Variants in RPS6KC1 observed in about 807,000 individuals in gnomAD.
The protein encoded by RPS6KC1 is ribosomal protein S6 kinase C1, also known as inactive ribosomal protein S6 kinase delta-1.
RPS6KC1 carries 54 observed loss-of-function variants against 103.8 expected under a neutral mutation model. That is an observed-to-expected ratio of 0.52 (90% confidence interval 0.42 to 0.65). The LOEUF (loss-of-function observed/expected upper bound fraction) is 0.65. Among genes scored for constraint, RPS6KC1 ranks in the 30% least tolerant of loss-of-function variants. The pLI is 0.00. For missense variants in RPS6KC1, 1,151 were observed against 1,253.8 expected (o/e 0.92, Z 1.24); for synonymous variants, 439 against 438.7 (o/e 1.00, Z -0.01).
At chr1:213,443,538 G>A in the RPS6KC1 span, among the ~76,000 whole-genome samples, 2 of 152,114 alleles carry the variant, frequency 1.3e-5, no homozygotes, top group East Asian at 1.9e-4. Flanking sequence ...ATATGGAAAC[G>A]TGCTGGGCTG....
At chr1:213,130,310 G>A (rs192930244) in intron 6 of RPS6KC1, among the ~76,000 whole-genome samples, 5 of 152,232 alleles carry the variant, frequency 3.3e-5, no homozygotes, top group Non-Finnish European at 5.9e-5. Context: ...TGGGTTTGCC[G>A]ACTATTCTGT....
At chr1:213,792,962 G>A in the RPS6KC1 span, among the ~76,000 whole-genome samples, 1 of 151,926 alleles carries the variant, frequency 6.6e-6, no homozygotes, top group African/African-American at 2.4e-5. Context: ...TGCCCTTAAT[G>A]GACTTGGTTG....
At chr1:213,110,479 G>T (rs1223515104) in intron 4 of RPS6KC1, among the ~76,000 whole-genome samples, 1 of 152,090 alleles carries the variant, frequency 6.6e-6, no homozygotes, top group Non-Finnish European at 1.5e-5. Context: ...TGATATCTCT[G>T]CCCAATATTT....
At chr1:213,332,426 A>G in the RPS6KC1 span, among the ~76,000 whole-genome samples, 1 of 152,356 alleles carries the variant, frequency 6.6e-6, no homozygotes, top group Admixed American at 6.5e-5. Flanking sequence ...AGTGGAGGGC[A>G]TGCTTGTCTG....
the RPS6KC1 span, among the ~76,000 whole-genome samples, chr1:213,447,638 T>G: frequency 6.6e-6 from 1 of 152,188 alleles, no homozygotes; most frequent in South Asian, 2.1e-4. Flanking sequence ...AGCTGAATGT[T>G]TCTTCAAGTC....
At chr1:213,640,892 G>C in the RPS6KC1 span, among the ~76,000 whole-genome samples, 21,317 of 151,850 alleles carry the variant, frequency 0.14, 2,348 homozygotes, top group African/African-American at 0.31. Flanking sequence ...CCAGTTAGTT[G>C]ATGGTGTCAA....
At chr1:213,765,397 C>T in the RPS6KC1 span, among the ~76,000 whole-genome samples, 3 of 152,290 alleles carry the variant, frequency 2.0e-5, no homozygotes, top group South Asian at 6.2e-4. Flanking sequence ...TGTGACCTCT[C>T]CCACCTCCAG....
the RPS6KC1 span, among the ~76,000 whole-genome samples, chr1:213,605,540 T>C: frequency 4.6e-5 from 7 of 152,148 alleles, no homozygotes; most frequent in Non-Finnish European, 1.0e-4. Flanking sequence ...CCCTGTGAGG[T>C]GATTGTACTG....
the RPS6KC1 span, among the ~76,000 whole-genome samples, chr1:213,779,473 A>G: frequency 6.6e-6 from 1 of 152,218 alleles, no homozygotes. Flanking sequence ...TCATGGATTC[A>G]TGGCAGTTTT....
At chr1:213,118,252 G>T (rs1357934277) in intron 5 of RPS6KC1, among the ~76,000 whole-genome samples, 1 of 151,324 alleles carries the variant, frequency 6.6e-6, no homozygotes, top group Non-Finnish European at 1.5e-5. Flanking sequence ...AGGTACACTT[G>T]AATTTATACA....
chr1:213,418,566 A>C, the RPS6KC1 span, among the ~76,000 whole-genome samples: 1 of 152,168 alleles, frequency 6.6e-6, no homozygotes, highest in African/African-American at 2.4e-5. Context: ...ATTTGGGTGA[A>C]GTTCGCCATA....
the RPS6KC1 span, among the ~76,000 whole-genome samples, chr1:213,664,201 G>GGGGGA: frequency 7.2e-6 from 1 of 139,610 alleles, no homozygotes; most frequent in Non-Finnish European, 1.6e-5. Flanking sequence ...GCGGGGGGGC[G>GGGGGA]GGGTGGGGAG....
the RPS6KC1 span, among the ~76,000 whole-genome samples, chr1:213,551,875 A>G: frequency 1.3e-5 from 2 of 152,104 alleles, no homozygotes; most frequent in Admixed American, 6.6e-5. Context: ...TTCTCCCACT[A>G]ACTTCTGGCA....
At chr1:213,635,493 C>T in the RPS6KC1 span, among the ~76,000 whole-genome samples, 2 of 152,138 alleles carry the variant, frequency 1.3e-5, no homozygotes, top group African/African-American at 4.8e-5. Context: ...TAATCCATCA[C>T]ATAAACAGAA....
the RPS6KC1 span, chr1:213,819,334 C>T: frequency 6.6e-6 from 1 of 152,196 alleles, no homozygotes; most frequent in Non-Finnish European, 1.5e-5. Flanking sequence ...TAAAACATCA[C>T]AAAAGCCAGA....
chr1:213,449,969 A>G, the RPS6KC1 span, among the ~76,000 whole-genome samples: 2 of 152,118 alleles, frequency 1.3e-5, no homozygotes, highest in African/African-American at 4.8e-5. Flanking sequence ...CTTCTCTCCT[A>G]TGGAGACCTG....
At chr1:213,722,976 C>T in the RPS6KC1 span, among the ~76,000 whole-genome samples, 1 of 152,076 alleles carries the variant, frequency 6.6e-6, no homozygotes, top group African/African-American at 2.4e-5. Flanking sequence ...GTCAGGAGTT[C>T]GAGATCAGCC....
chr1:213,727,885 G>T, the RPS6KC1 span, among the ~76,000 whole-genome samples: 1 of 152,198 alleles, frequency 6.6e-6, no homozygotes, highest in African/African-American at 2.4e-5. Flanking sequence ...AAGGGAAAAA[G>T]TGTGTAGAGG....
At chr1:213,253,070 T>A (rs1327385160) in intron 12 of RPS6KC1, among the ~76,000 whole-genome samples, 12 of 152,214 alleles carry the variant, frequency 7.9e-5, no homozygotes, top group Non-Finnish European at 1.5e-4. Flanking sequence ...TTAGGAGTTC[T>A]AAATTACAAT....
Sources: gnomAD v4.1 joint callset for allele counts (sites outside exome capture counted in the v4.1 genomes callset) on GRCh38, gnomAD v4.1.1 for gene constraint, MANE v1.5 for transcripts, NCBI Gene and HGNC (gene_info 2026-07-23, HGNC 2026-07-21) for gene names.